CGNL1: variants seen among roughly 807,000 people sequenced by gnomAD.
CGNL1 encodes cingulin like 1.
CGNL1 carries 132 observed loss-of-function variants against 141.2 expected under a neutral mutation model. The observed-to-expected ratio is 0.93, with a 90% confidence interval of 0.81 to 1.08. The LOEUF (loss-of-function observed/expected upper bound fraction) is 1.08. CGNL1 is among the 50% of genes least tolerant of loss of function. The pLI is 0.00. For synonymous variants in CGNL1, 690 were observed against 622.1 expected (o/e 1.11, Z -1.63); for missense variants, 1,870 against 1,588.6 (o/e 1.18, Z -3.01).
chr15:57,379,046 T>TG (rs2062397786), intron 1 of CGNL1, among the ~76,000 whole-genome samples: 7 of 144,300 alleles, frequency 4.9e-5, no homozygotes, highest in Non-Finnish European at 7.9e-5. Flanking sequence ...CTACTGTTTT[T>TG]TTTGTGTGTG....
intron 14 of CGNL1, among the ~76,000 whole-genome samples, chr15:57,538,480 C>CT (rs2032386689): frequency 6.6e-6 from 1 of 151,884 alleles, no homozygotes; most frequent in South Asian, 2.1e-4. Flanking sequence ...TTTTGCCCCC[C>CT]TTTGGAGAGT....
At chr15:57,476,195 C>G (rs1391171255) in intron 8 of CGNL1, among the ~76,000 whole-genome samples, 1 of 152,060 alleles carries the variant, frequency 6.6e-6, no homozygotes, top group Non-Finnish European at 1.5e-5. Flanking sequence ...AAAAGGGTGA[C>G]TTTGCTCCGT....
Position 57,438,577 on chromosome 15 carries a change from C to T in CGNL1, c.578C>T (p.Pro193Leu). 1 of 1,613,652 alleles carries T rather than the reference C, an allele frequency of 6.2e-7. No homozygotes were observed. The highest frequency in any genetic ancestry group is 8.5e-7 in the Non-Finnish European group (1 of 1,180,026). ...AATAAGAAGCCTTGGACTTGCTTTC[C>T]CAAACCTAGCAATTCCCAGCCTACC... ...INNKKPWTCF[P>L]KPSNSQPTSP... The change falls in exon 2 of 19, where the codon CCC becomes CTC. Residue 193 changes from proline to leucine, a missense_variant. Coordinates refer to ENST00000281282, the MANE Select transcript of CGNL1 (RefSeq NM_032866.5).
chr15:57,458,094 A>T (rs1040008674), intron 7 of CGNL1, among the ~76,000 whole-genome samples: 3 of 152,148 alleles, frequency 2.0e-5, no homozygotes, highest in Non-Finnish European at 2.9e-5. Context: ...CTCCTTGAGT[A>T]TCCATCTCTC....
chr15:57,411,114 A>C (rs1370696683), intron 1 of CGNL1, among the ~76,000 whole-genome samples: 4 of 152,234 alleles, frequency 2.6e-5, no homozygotes, highest in African/African-American at 9.6e-5. Context: ...TAATATCAAA[A>C]TATGACTAAA....
At chr15:57,539,893 G>T (rs1432593142) in intron 14 of CGNL1, among the ~76,000 whole-genome samples, 1 of 152,220 alleles carries the variant, frequency 6.6e-6, no homozygotes, top group Non-Finnish European at 1.5e-5. Flanking sequence ...AGGAATCTAA[G>T]CACAGATGGG....
chr15:57,517,171 C>T (rs1435226762), intron 9 of CGNL1, among the ~76,000 whole-genome samples, 185 bp downstream of exon 9: 4 of 152,124 alleles, frequency 2.6e-5, no homozygotes, highest in Admixed American at 2.6e-4. Context: ...ACAGGGAGGC[C>T]AGGGAACAGG....
intron 8 of CGNL1, among the ~76,000 whole-genome samples, chr15:57,473,899 CTTTT>C (rs59761174): frequency 0.02 from 1,426 of 70,568 alleles, 13 homozygotes; most frequent in Non-Finnish European, 0.028. Context: ...TCTTCTTCTT[CTTTT>C]TTTTTTTTTT....
At chr15:57,498,336 A>G (rs948759346) in intron 8 of CGNL1, among the ~76,000 whole-genome samples, 9 of 137,064 alleles carry the variant, frequency 6.6e-5, no homozygotes, top group African/African-American at 1.9e-4. Context: ...TGCAGCCTCA[A>G]TCTCCCGGGC....
intron 1 of CGNL1, among the ~76,000 whole-genome samples, chr15:57,437,728 G>A (rs978402322): frequency 6.6e-6 from 1 of 150,982 alleles, no homozygotes; most frequent in Non-Finnish European, 1.5e-5. Context: ...CATTACACGG[G>A]TTGTCTGCCC....
intron 1 of CGNL1, among the ~76,000 whole-genome samples, chr15:57,422,971 T>C (rs2062932527): frequency 6.6e-6 from 1 of 152,112 alleles, no homozygotes; most frequent in South Asian, 2.1e-4. Flanking sequence ...TTTATGTAAG[T>C]TCCCCTCCAC....
intron 1 of CGNL1, among the ~76,000 whole-genome samples, chr15:57,395,840 G>A (rs138087586): frequency 2.2e-4 from 33 of 151,066 alleles, no homozygotes; most frequent in African/African-American, 6.1e-4. Flanking sequence ...AGTGGTTAGC[G>A]CCATGGTACG....
At chr15:57,532,507 A>G (rs745857993) in intron 14 of CGNL1, among the ~76,000 whole-genome samples, 2 of 152,222 alleles carry the variant, frequency 1.3e-5, no homozygotes, top group Non-Finnish European at 2.9e-5. Context: ...TACTGCATGT[A>G]TTATCTGCAC....
At chr15:57,378,665 G>A (rs369719638) in intron 1 of CGNL1, among the ~76,000 whole-genome samples, 1 of 152,074 alleles carries the variant, frequency 6.6e-6, no homozygotes, top group Non-Finnish European at 1.5e-5. Flanking sequence ...TTACAGGCAT[G>A]AGCCACCGTG....
At chr15:57,465,937 A>G (rs1304629192) in intron 8 of CGNL1, among the ~76,000 whole-genome samples, 1 of 152,224 alleles carries the variant, frequency 6.6e-6, no homozygotes, top group African/African-American at 2.4e-5. Context: ...GTAATAGTGT[A>G]TTTTGTAAAC....
In CGNL1 at chr15:57,549,819, A is replaced by G. The variant is rs1427489078; in HGVS notation, c.*2329A>G. 1.3e-5 allele frequency: 2 copies of G among 152,156 alleles called. No individual in the cohort carries two copies. The highest frequency in any genetic ancestry group is 2.9e-5 in the Non-Finnish European group (2 of 68,028). The allele number at this position is 152,156 out of a possible 1,614,324, so 9.4% of individuals were successfully genotyped here. On this transcript the variant is annotated 3_prime_UTR_variant, in exon 19 of 19. Transcript: ENST00000281282. ...GAGGACGCAACAAGCCTGGTTCCCT[A>G]GAGCTCACTTTGACCCTCAATATGT...
intron 14 of CGNL1, among the ~76,000 whole-genome samples, chr15:57,536,332 A>G (rs2032257637): frequency 6.6e-6 from 1 of 152,248 alleles, no homozygotes; most frequent in Non-Finnish European, 1.5e-5. Context: ...AAACCATATC[A>G]CAGCCTTTCT....
At chr15:57,383,298 T>TTTTTTTTTTTTTTG (rs1555428834) in intron 1 of CGNL1, among the ~76,000 whole-genome samples, 2 of 141,620 alleles carry the variant, frequency 1.4e-5, no homozygotes, top group East Asian at 2.2e-4. Flanking sequence ...CTTCCTTTTT[T>TTTTTTTTTTTTTTG]TTTTTTTGTT....
chr15:57,434,164 G>T (rs965081762), intron 1 of CGNL1, among the ~76,000 whole-genome samples: 2 of 152,148 alleles, frequency 1.3e-5, no homozygotes, highest in Non-Finnish European at 2.9e-5. Context: ...GAAAGTTACA[G>T]TTTTCCTTGC....
Sources: allele counts gnomAD v4.1 joint callset (sites outside exome capture counted in the v4.1 genomes callset), GRCh38; gene constraint gnomAD v4.1.1; transcripts MANE v1.5; gene names NCBI Gene and HGNC (gene_info 2026-07-23, HGNC 2026-07-21).